Variants in TACR1 observed in about 807,000 individuals in gnomAD.
TACR1 encodes the protein substance-P receptor.
Under a neutral mutation model 35.8 loss-of-function variants are expected in TACR1, and 25 were observed. The ratio of observed to expected loss-of-function variants is 0.70; its 90% CI spans 0.51 to 0.98. The LOEUF is 0.98. Ranked by LOEUF, TACR1 falls within the 50% of genes least tolerant of loss-of-function variation. TACR1 has a pLI of 0.00. For missense variants in TACR1, 478 were observed against 522.9 expected, an observed-to-expected ratio of 0.91 and a Z score of 0.84; for synonymous variants, 195 against 206.7, an observed-to-expected ratio of 0.94 and a Z score of 0.48.
intron 1 of TACR1, among the ~76,000 whole-genome samples, chr2:75,130,030 G>A (rs1674147537): frequency 6.6e-6 from 1 of 152,200 alleles, no homozygotes; most frequent in Admixed American, 6.5e-5. Flanking sequence ...CACAGTGCAA[G>A]TGAAGAATTA....
chr2:75,175,906 C>G (rs1454951198), intron 1 of TACR1, among the ~76,000 whole-genome samples: 1 of 150,936 alleles, frequency 6.6e-6, no homozygotes, highest in Non-Finnish European at 1.5e-5. Flanking sequence ...AAGCTAACTA[C>G]CATATACATC....
chr2:75,145,292 T>A (rs1311919275), intron 1 of TACR1, among the ~76,000 whole-genome samples: 3 of 152,214 alleles, frequency 2.0e-5, no homozygotes, highest in Non-Finnish European at 4.4e-5. Context: ...TTAAATGCAA[T>A]GATGAAAAAT....
At chr2:75,178,895 C>T (rs1418734699) in intron 1 of TACR1, among the ~76,000 whole-genome samples, 3 of 152,156 alleles carry the variant, frequency 2.0e-5, no homozygotes, top group Non-Finnish European at 2.9e-5. Context: ...ATTTAGAGTT[C>T]GCCAGGGCTC....
At chr2:75,051,922 C>T (rs1245235024) in intron 3 of TACR1, among the ~76,000 whole-genome samples, 4 of 147,816 alleles carry the variant, frequency 2.7e-5, no homozygotes, top group Non-Finnish European at 4.5e-5. Context: ...GCTGGGTGGG[C>T]GGGCACAGCA....
intron 2 of TACR1, among the ~76,000 whole-genome samples, chr2:75,079,752 T>C (rs1368958444): frequency 6.6e-6 from 1 of 151,086 alleles, no homozygotes; most frequent in Non-Finnish European, 1.5e-5. Flanking sequence ...TTTTTTTTTT[T>C]TTTTTGGTCT....
intron 1 of TACR1, among the ~76,000 whole-genome samples, chr2:75,142,867 T>C (rs566332524): frequency 1.3e-5 from 2 of 152,326 alleles, no homozygotes; most frequent in African/African-American, 2.4e-5. Flanking sequence ...TCCAGAGCCA[T>C]TATCTATACT....
rs180703630 is a variant in TACR1 at position 75,142,164 on chromosome 2, C to T, written c.390-21396G>A. Among the ~76,000 whole-genome samples the T allele has an allele frequency of 5.3e-5, 8 of 152,288 alleles. No homozygotes were observed. The East Asian group carries it at 1.5e-3, about 29-fold the overall frequency. Reference sequence around the variant, plus strand: ...AGGAGATGAAGCTCAATCCTAGAGCCTCCAGCCTCTGCTTCCACCTTCTGG... The same window carrying T: ...AGGAGATGAAGCTCAATCCTAGAGCTTCCAGCCTCTGCTTCCACCTTCTGG... On this transcript the variant is annotated intron_variant, in intron 1 of 4. Transcript: ENST00000305249.
chr2:75,114,867 C>A (rs1281374264), intron 2 of TACR1, among the ~76,000 whole-genome samples: 1 of 152,136 alleles, frequency 6.6e-6, no homozygotes, highest in African/African-American at 2.4e-5. Context: ...GAGCCTAACT[C>A]CCCATTTTCA....
intron 2 of TACR1, among the ~76,000 whole-genome samples, chr2:75,057,507 G>A (rs1266178440): frequency 1.3e-5 from 2 of 152,222 alleles, no homozygotes; most frequent in African/African-American, 4.8e-5. Flanking sequence ...TAAAAAAGAA[G>A]GATGTTATGA....
intron 2 of TACR1, among the ~76,000 whole-genome samples, chr2:75,060,074 A>G (rs1273562579): frequency 1.3e-5 from 2 of 152,244 alleles, no homozygotes; most frequent in African/African-American, 4.8e-5. Flanking sequence ...AGATTTATTC[A>G]GCACCTGTTC....
At chr2:75,057,972 C>T (rs571847631) in intron 2 of TACR1, among the ~76,000 whole-genome samples, 94 of 152,248 alleles carry the variant, frequency 6.2e-4, no homozygotes, top group Admixed American at 9.8e-4. Context: ...TTTCCAGATT[C>T]GCAGTCTTTT....
intron 1 of TACR1, among the ~76,000 whole-genome samples, chr2:75,147,746 C>CTT (rs36067244): frequency 0.4 from 57,240 of 144,910 alleles, 12,548 homozygotes; most frequent in Non-Finnish European, 0.51. Flanking sequence ...GATCTCATTC[C>CTT]TTTTTTTTTT....
At chr2:75,122,582 G>A (rs1280619105) in intron 1 of TACR1, among the ~76,000 whole-genome samples, 1 of 152,124 alleles carries the variant, frequency 6.6e-6, no homozygotes, top group Non-Finnish European at 1.5e-5. Context: ...GCCTCTTTTA[G>A]AAAGTGGGTA....
rs780655311 is a variant in TACR1, at chr2:75,120,564, C to G, written c.584+10G>C. ...TCGTTTCTTTGGCATGGGGAGTCATCTCTACTCACACTTTCTCATAAATCT... is the reference window on the plus strand; with the variant it reads ...TCGTTTCTTTGGCATGGGGAGTCATGTCTACTCACACTTTCTCATAAATCT... On this transcript the variant is annotated intron_variant, in intron 2 of 4. Transcript: ENST00000305249. 1.3e-5 allele frequency: 20 copies of G among 1,587,564 alleles called. No homozygotes were observed. In the Admixed American group the frequency reaches 3.2e-4, roughly 26 times the overall value.
chr2:75,075,133 A>C (rs1672954732), intron 2 of TACR1, among the ~76,000 whole-genome samples: 1 of 152,222 alleles, frequency 6.6e-6, no homozygotes, highest in African/African-American at 2.4e-5. Context: ...ATTAAAGCTG[A>C]GAAGCGGCAT....
chr2:75,162,703 T>C (rs896889144), intron 1 of TACR1, among the ~76,000 whole-genome samples: 4 of 152,252 alleles, frequency 2.6e-5, no homozygotes, highest in Non-Finnish European at 5.9e-5. Context: ...TTTTGTGCAG[T>C]ATTTTTTGTC....
intron 1 of TACR1, among the ~76,000 whole-genome samples, chr2:75,133,903 T>C (rs1458740849): frequency 5.9e-5 from 9 of 152,116 alleles, no homozygotes; most frequent in Admixed American, 5.9e-4. Context: ...TAAAACAGTT[T>C]GCAGTAAAGA....
rs566230715 is a variant in TACR1, at chr2:75,184,350, A to C, written c.389+14196T>G. The stretch of plus-strand genomic sequence containing the variant: ...TAAGCCAATGGGCAACATATTTAAC[A>C]ATTATATTAAGAGAAACATTACCAT... On this transcript the variant is annotated intron_variant, in intron 1 of 4. Coordinates refer to ENST00000305249, the MANE Select transcript of TACR1 (RefSeq NM_001058.4). 3.9e-5 allele frequency among the ~76,000 whole-genome samples: 6 copies of C among 152,244 alleles called. No individual in the cohort carries two copies. The South Asian group carries it at 1.2e-3, about 32-fold the overall frequency.
At chr2:75,112,673 G>A (rs1003220835) in intron 2 of TACR1, among the ~76,000 whole-genome samples, 2 of 151,686 alleles carry the variant, frequency 1.3e-5, no homozygotes, top group Non-Finnish European at 2.9e-5. Context: ...AAGGATTATT[G>A]CTGAATAATT....
Sources: allele counts gnomAD v4.1 joint callset (sites outside exome capture counted in the v4.1 genomes callset), GRCh38; gene constraint gnomAD v4.1.1; transcripts MANE v1.5; gene names NCBI Gene and HGNC (gene_info 2026-07-23, HGNC 2026-07-21).